TMPRSS11D: variants seen among roughly 807,000 people sequenced by gnomAD.
TMPRSS11D encodes the protein transmembrane protease serine 11D.
TMPRSS11D carries 32 observed loss-of-function variants against 44.4 expected under a neutral mutation model. That is an observed-to-expected ratio of 0.72 (90% CI 0.54 to 0.97). The LOEUF is 0.97. Among genes scored for constraint, TMPRSS11D ranks in the 50% least tolerant of loss-of-function variants. The pLI is 0.00. For synonymous variants in TMPRSS11D, 179 were observed against 177.9 expected (o/e 1.01, Z -0.05); for missense variants, 446 against 502.6 (o/e 0.89, Z 1.08).
intron 3 of TMPRSS11D, among the ~76,000 whole-genome samples, chr4:67,847,274 T>C (rs1298488696): frequency 1.3e-5 from 2 of 152,172 alleles, no homozygotes; most frequent in Non-Finnish European, 2.9e-5. Flanking sequence ...CTAGTATGTA[T>C]TAAATATCTT....
At chr4:67,825,402 G>C (rs1444527132) in intron 9 of TMPRSS11D, among the ~76,000 whole-genome samples, 1 of 150,948 alleles carries the variant, frequency 6.6e-6, no homozygotes, top group East Asian at 2.0e-4. Context: ...ACTTTTCTTA[G>C]TACCCAAAAA....
intron 1 of TMPRSS11D, among the ~76,000 whole-genome samples, chr4:67,861,332 T>C (rs1199766031): frequency 6.6e-6 from 1 of 152,154 alleles, no homozygotes; most frequent in East Asian, 1.9e-4. Context: ...TGTTACCTCA[T>C]GGGGTTATTG....
intron 7 of TMPRSS11D, among the ~76,000 whole-genome samples, chr4:67,828,814 A>G (rs1266522544): frequency 6.6e-6 from 1 of 152,182 alleles, no homozygotes; most frequent in Admixed American, 6.6e-5. Context: ...AAGCAAAACC[A>G]GACTAGTCAA....
chr4:67,869,731 C>T (rs1292877123), intron 1 of TMPRSS11D, among the ~76,000 whole-genome samples: 1 of 152,166 alleles, frequency 6.6e-6, no homozygotes, highest in African/African-American at 2.4e-5. Context: ...ATTACTCATG[C>T]TGGCTGCTTG....
chr4:67,846,852 A>G (rs1268342309), intron 3 of TMPRSS11D, among the ~76,000 whole-genome samples: 1 of 152,150 alleles, frequency 6.6e-6, no homozygotes. Flanking sequence ...TGATGGACAC[A>G]TTGCTAAACA....
chr4:67,838,410 A>G, intron 4 of TMPRSS11D, 81 bp from the exon 5 acceptor site: 1 of 1,304,910 alleles, frequency 7.7e-7, no homozygotes, highest in Non-Finnish European at 1.0e-6. Flanking sequence ...TCTTGATTAA[A>G]CCCTTTTAAA....
At chr4:67,876,082 A>G (rs1253396574) in intron 1 of TMPRSS11D, among the ~76,000 whole-genome samples, 1 of 152,200 alleles carries the variant, frequency 6.6e-6, no homozygotes, top group African/African-American at 2.4e-5. Flanking sequence ...TTATATAAAG[A>G]TTATTATGAA....
intron 2 of TMPRSS11D, 84 bp downstream of exon 2, chr4:67,859,473 T>A: frequency 6.9e-7 from 1 of 1,448,878 alleles, no homozygotes; most frequent in Non-Finnish European, 9.4e-7. Flanking sequence ...ATAAAAGCCA[T>A]AGTAAAAGAA....
chr4:67,873,989 A>G (rs755063191), intron 1 of TMPRSS11D, among the ~76,000 whole-genome samples: 1 of 152,182 alleles, frequency 6.6e-6, no homozygotes, highest in Non-Finnish European at 1.5e-5. Context: ...ATCTTTGTCA[A>G]TCACAGATCG....
intron 1 of TMPRSS11D, among the ~76,000 whole-genome samples, chr4:67,867,728 T>A (rs1055068106): frequency 2.6e-5 from 4 of 152,048 alleles, no homozygotes; most frequent in Non-Finnish European, 4.4e-5. Context: ...AAAAAAATGC[T>A]CAATATCACT....
chr4:67,830,209 A>T (rs1717911170), intron 7 of TMPRSS11D, among the ~76,000 whole-genome samples: 1 of 152,122 alleles, frequency 6.6e-6, no homozygotes, highest in Non-Finnish European at 1.5e-5. Flanking sequence ...CATACAAAAA[A>T]ACACTATAGG....
intron 5 of TMPRSS11D, 47 bp from the exon 6 acceptor site, chr4:67,835,168 T>G (rs746990930): frequency 4.6e-6 from 7 of 1,519,144 alleles, no homozygotes; most frequent in Non-Finnish European, 6.4e-6. Flanking sequence ...AAGGCTGATA[T>G]CATTTCACCA....
chr4:67,837,901 T>G (rs969283652), intron 5 of TMPRSS11D: 2 of 252,534 alleles, frequency 7.9e-6, no homozygotes, highest in Non-Finnish European at 1.5e-5. Flanking sequence ...TAATGACATC[T>G]GACAGTAACA....
intron 1 of TMPRSS11D, among the ~76,000 whole-genome samples, chr4:67,869,480 T>C (rs1719004739): frequency 6.6e-6 from 1 of 152,106 alleles, no homozygotes; most frequent in Non-Finnish European, 1.5e-5. Flanking sequence ...ATTACAAGTA[T>C]ATAATTTAGG....
rs117401550 is a variant in TMPRSS11D at position 67,840,839 on chromosome 4, A to G, written c.317+1719T>C. On this transcript the variant is annotated intron_variant, in intron 4 of 9. Transcript: ENST00000283916. ...AATTAAAATAAGAAATGTGTTTAAA[A>G]GACCAGGAAGATTCTCAAAAGAAAC... Among the ~76,000 whole-genome samples, 187 of 152,308 alleles carry G rather than the reference A, an allele frequency of 1.2e-3. 4 individuals carry two copies. The South Asian group carries it at 0.027, about 22-fold the overall frequency.
chr4:67,857,841 A>C (rs574971650), intron 2 of TMPRSS11D, among the ~76,000 whole-genome samples: 152 of 152,318 alleles, frequency 1.0e-3, no homozygotes, highest in African/African-American at 3.2e-3. Flanking sequence ...TATGTATTTC[A>C]AAGTAGCTAG....
chr4:67,882,194 G>GGCA (rs1190637764), intron 1 of TMPRSS11D, among the ~76,000 whole-genome samples: 3 of 152,030 alleles, frequency 2.0e-5, no homozygotes, highest in Admixed American at 6.6e-5. Flanking sequence ...AACCATCCAA[G>GGCA]GCAGCCAATT....
chr4:67,879,447 G>A (rs1719269209), intron 1 of TMPRSS11D, among the ~76,000 whole-genome samples: 1 of 149,396 alleles, frequency 6.7e-6, no homozygotes, highest in East Asian at 2.0e-4. Context: ...ACTCCAGCCT[G>A]GGCGACAGAG....
intron 1 of TMPRSS11D, among the ~76,000 whole-genome samples, chr4:67,878,283 A>G (rs1026312328): frequency 3.3e-5 from 5 of 152,208 alleles, no homozygotes; most frequent in African/African-American, 1.2e-4. Flanking sequence ...TCATAATGAA[A>G]TTACATATTT....
Sources: allele counts gnomAD v4.1 joint callset (sites outside exome capture counted in the v4.1 genomes callset), GRCh38; gene constraint gnomAD v4.1.1; transcripts MANE v1.5; gene names NCBI Gene and HGNC (gene_info 2026-07-23, HGNC 2026-07-21).